Variants in CTNNA2 observed in about 807,000 individuals in gnomAD.
CTNNA2 encodes the protein catenin alpha-2.
Under a neutral mutation model 101.0 loss-of-function variants are expected in CTNNA2, and 42 were observed. The ratio of observed to expected loss-of-function variants is 0.42; its 90% CI spans 0.32 to 0.54. CTNNA2 has a LOEUF of 0.54. Among genes scored for constraint, CTNNA2 ranks in the 20% least tolerant of loss-of-function variants. The pLI is 0.14. For synonymous variants in CTNNA2, 450 were observed against 456.4 expected, an observed-to-expected ratio of 0.99 and a Z score of 0.18; for missense variants, 871 against 1,223.1, an observed-to-expected ratio of 0.71 and a Z score of 4.29.
intron 4 of CTNNA2, chr2:79,374,016 A>G (rs1677929584): frequency 6.6e-6 from 1 of 152,336 alleles, no homozygotes; most frequent in South Asian, 2.1e-4. Context: ...ACCTAAAGGC[A>G]AGACCTTTTT....
intron 4 of CTNNA2, among the ~76,000 whole-genome samples, chr2:79,448,805 T>A (rs967460778): frequency 2.6e-5 from 4 of 151,990 alleles, no homozygotes; most frequent in Non-Finnish European, 4.4e-5. Context: ...ACCAAAATGG[T>A]TCAACGGAAA....
At chr2:79,736,906 T>C (rs1394109203) in intron 2 of CTNNA2, among the ~76,000 whole-genome samples, 3 of 152,214 alleles carry the variant, frequency 2.0e-5, no homozygotes, top group Non-Finnish European at 2.9e-5. Context: ...TGTTTATATA[T>C]GTATACTCTC....
intron 7 of CTNNA2, among the ~76,000 whole-genome samples, chr2:79,977,114 A>G (rs1690905312): frequency 6.6e-6 from 1 of 152,184 alleles, no homozygotes; most frequent in Non-Finnish European, 1.5e-5. Flanking sequence ...TTAATAGGAT[A>G]GTCTTACTAA....
chr2:79,304,726 G>A (rs1328143838), intron 2 of CTNNA2, among the ~76,000 whole-genome samples: 2 of 152,170 alleles, frequency 1.3e-5, no homozygotes, highest in Non-Finnish European at 2.9e-5. Flanking sequence ...GAAAAATTGA[G>A]CAAAGCCAAA....
At chr2:79,204,540 G>T (rs1674077629) in intron 2 of CTNNA2, among the ~76,000 whole-genome samples, 1 of 152,180 alleles carries the variant, frequency 6.6e-6, no homozygotes, top group Non-Finnish European at 1.5e-5. Context: ...ATGATGAAAT[G>T]AGTCTTTGAG....
intron 7 of CTNNA2, among the ~76,000 whole-genome samples, chr2:80,251,401 G>A (rs999981345): frequency 3.9e-5 from 6 of 151,904 alleles, no homozygotes; most frequent in African/African-American, 1.5e-4. Flanking sequence ...TGCAATCACT[G>A]GCCTCTGTTC....
chr2:79,760,550 C>T (rs1672722463), intron 3 of CTNNA2, among the ~76,000 whole-genome samples: 1 of 152,064 alleles, frequency 6.6e-6, no homozygotes, highest in African/African-American at 2.4e-5. Context: ...CAATGAGGCC[C>T]ACTCACATTA....
intron 7 of CTNNA2, among the ~76,000 whole-genome samples, chr2:80,149,666 T>C (rs965908675): frequency 3.3e-5 from 5 of 152,150 alleles, no homozygotes; most frequent in Non-Finnish European, 5.9e-5. Context: ...AGATTGCCTG[T>C]GTAGACACTG....
chr2:80,184,174 G>A (rs951642439), intron 7 of CTNNA2, among the ~76,000 whole-genome samples: 2 of 152,084 alleles, frequency 1.3e-5, no homozygotes, highest in African/African-American at 4.8e-5. Context: ...AGAAAAGTGT[G>A]AGTTCTTCAG....
chr2:80,389,633 T>C (rs927580940), intron 7 of CTNNA2, among the ~76,000 whole-genome samples: 3 of 152,206 alleles, frequency 2.0e-5, no homozygotes, highest in Non-Finnish European at 4.4e-5. Context: ...GGCTTCCAAG[T>C]TCCCATTTGC....
intron 9 of CTNNA2, among the ~76,000 whole-genome samples, chr2:80,442,710 G>C (rs556642753): frequency 6.6e-6 from 1 of 152,100 alleles, no homozygotes; most frequent in Non-Finnish European, 1.5e-5. Context: ...TCTTCTGGAA[G>C]ACAAGAGAAT....
chr2:79,309,069 T>C (rs1329864442), intron 2 of CTNNA2, among the ~76,000 whole-genome samples: 2 of 152,172 alleles, frequency 1.3e-5, no homozygotes, highest in East Asian at 3.9e-4. Context: ...TTCTCCAGAC[T>C]GTTCTCTTGG....
At chr2:79,386,687 A>C (rs1288289736) in intron 4 of CTNNA2, among the ~76,000 whole-genome samples, 1 of 152,188 alleles carries the variant, frequency 6.6e-6, no homozygotes, top group Non-Finnish European at 1.5e-5. Context: ...GAAAAGTCTC[A>C]AGATAAGAAA....
chr2:79,233,689 T>A (rs536918929), intron 2 of CTNNA2, among the ~76,000 whole-genome samples: 1 of 152,266 alleles, frequency 6.6e-6, no homozygotes, highest in South Asian at 2.1e-4. Context: ...TAAGTTTTTT[T>A]ATAAGTCAAG....
At chr2:80,629,795 C>A (rs184178059) in intron 18 of CTNNA2, among the ~76,000 whole-genome samples, 71 of 152,294 alleles carry the variant, frequency 4.7e-4, no homozygotes, top group Admixed American at 1.6e-3. Flanking sequence ...GTGATAATCA[C>A]AAACATCTCC....
At chr2:80,275,254 G>A (rs953583121) in intron 7 of CTNNA2, among the ~76,000 whole-genome samples, 2 of 152,222 alleles carry the variant, frequency 1.3e-5, no homozygotes, top group Middle Eastern at 3.4e-3. Context: ...CATACCAAAA[G>A]GCAAGGCAAT....
chr2:79,563,280 T>G (rs1038688044), intron 1 of CTNNA2, among the ~76,000 whole-genome samples: 1 of 151,764 alleles, frequency 6.6e-6, no homozygotes, highest in African/African-American at 2.4e-5. Flanking sequence ...ATTTATATAA[T>G]TTATGATGGG....
intron 9 of CTNNA2, among the ~76,000 whole-genome samples, chr2:80,474,291 T>C (rs1329236089): frequency 2.0e-5 from 3 of 152,212 alleles, no homozygotes; most frequent in African/African-American, 7.2e-5. Flanking sequence ...TTGTTGGCAC[T>C]GGAGATTTTG....
At chr2:79,522,693 A>G (rs551091007) in intron 1 of CTNNA2, among the ~76,000 whole-genome samples, 2 of 152,262 alleles carry the variant, frequency 1.3e-5, no homozygotes, top group African/African-American at 4.8e-5. Flanking sequence ...GCAGTGGGAG[A>G]GGTGGAGAAA....
Sources: allele counts gnomAD v4.1 joint callset (sites outside exome capture counted in the v4.1 genomes callset), GRCh38; gene constraint gnomAD v4.1.1; transcripts MANE v1.5; gene names NCBI Gene and HGNC (gene_info 2026-07-23, HGNC 2026-07-21).